XIRP2: variants seen among roughly 807,000 people sequenced by gnomAD.
The protein encoded by XIRP2 is xin actin binding repeat containing 2, also known as xin actin-binding repeat-containing protein 2.
A neutral mutation model predicts 277.0 loss-of-function variants in XIRP2; 236 were observed. The observed-to-expected ratio is 0.85, with a 90% CI of 0.77 to 0.95. XIRP2 has a LOEUF of 0.95. Ranked by LOEUF, XIRP2 falls within the 40% of genes least tolerant of loss-of-function variation. The pLI, the probability that XIRP2 is intolerant of heterozygous loss-of-function variation, is 0.00. For missense variants in XIRP2, 4,640 were observed against 4,157.5 expected (o/e 1.12, Z -3.19); for synonymous variants, 1,490 against 1,416.5 (o/e 1.05, Z -1.17).
At chr2:167,030,263 A>G (rs1343172648) in intron 2 of XIRP2, among the ~76,000 whole-genome samples, 1 of 151,848 alleles carries the variant, frequency 6.6e-6, no homozygotes, top group Non-Finnish European at 1.5e-5. Flanking sequence ...CAACTTTTGA[A>G]TTTGTTTGCT....
chr2:167,224,932 C>G lies in XIRP2; in HGVS notation c.858+6632C>G, dbSNP rs919342525. 8.5e-5 allele frequency among the ~76,000 whole-genome samples: 13 copies of G among 152,246 alleles called. 1 individual carries two copies. Among genetic ancestry groups the G allele is most frequent in the African/African-American group, 2.9e-4 (12 of 41,550 alleles). On this transcript the variant is annotated intron_variant, in intron 5 of 10. Coordinates refer to ENST00000409195, the MANE Select transcript of XIRP2 (RefSeq NM_152381.6). ...AAAGATTAGCTTGAAATGAGCATAC[C>G]TGTACGTGTTTTGAGCATATGTCAT...
At chr2:167,155,608 G>C (rs1049516552) in intron 3 of XIRP2, among the ~76,000 whole-genome samples, 5 of 151,918 alleles carry the variant, frequency 3.3e-5, no homozygotes, top group Non-Finnish European at 7.4e-5. Flanking sequence ...AAAATAATAA[G>C]AGCTATCTAT....
At chr2:166,909,948 C>T (rs1033820259) in intron 2 of XIRP2, among the ~76,000 whole-genome samples, 4 of 152,240 alleles carry the variant, frequency 2.6e-5, no homozygotes, top group African/African-American at 9.6e-5. Flanking sequence ...AGCCTTGCAT[C>T]CCAGGGATGA....
intron 2 of XIRP2, among the ~76,000 whole-genome samples, chr2:167,045,656 G>C (rs1456344165): frequency 2.0e-5 from 3 of 152,040 alleles, no homozygotes; most frequent in Non-Finnish European, 4.4e-5. Context: ...TTAATCATTA[G>C]AGAAATGCAA....
At position 167,250,054 on chromosome 2, in the gene XIRP2, C is replaced by T; in HGVS notation, c.8662C>T (p.Gln2888Ter). ...TAAAGCTGAACATAAAAAATTGCCCCAGCCATATAATAGTCTGCAGGAAGA... is the reference window on the plus strand; with the variant it reads ...TAAAGCTGAACATAAAAAATTGCCCTAGCCATATAATAGTCTGCAGGAAGA... Reference protein sequence around the residue: ...ESKAEHKKLPQPYNSLQEEKC... With the variant: ...ESKAEHKKLP Residue 2888 changes from glutamine to a stop codon, truncating the protein, a stop_gained, in exon 9 of 11, where the codon CAG becomes TAG. Transcript: ENST00000409195. LOFTEE classifies it high-confidence loss of function. The T allele has an allele frequency of 6.2e-7, 1 of 1,613,542 alleles. No individual in the cohort carries two copies. Among genetic ancestry groups the T allele is most frequent in the Non-Finnish European group, 8.5e-7 (1 of 1,179,678 alleles).
intron 2 of XIRP2, among the ~76,000 whole-genome samples, chr2:167,066,097 G>C (rs903742357): frequency 6.6e-6 from 1 of 151,334 alleles, no homozygotes; most frequent in Non-Finnish European, 1.5e-5. Flanking sequence ...TCTTAACATG[G>C]GATTTACCCT....
rs148889793 is a variant in XIRP2, at chr2:166,900,308, A to C, written c.-18-3157A>C. Among the ~76,000 whole-genome samples, 281 of 152,044 alleles carry C rather than the reference A, an allele frequency of 1.8e-3. 2 individuals are homozygous for C. The highest frequency in any genetic ancestry group is 6.4e-3 in the African/African-American group (267 of 41,512). On this transcript the variant is annotated intron_variant, in intron 1 of 10. Transcript: ENST00000409195. ...TTTAAATGTTCGTTATTTCTACCTC[A>C]ATTCTAGAATTTTAATTCGTTTCTT...
intron 4 of XIRP2, among the ~76,000 whole-genome samples, chr2:167,215,871 G>A (rs1427608269): frequency 6.6e-6 from 1 of 152,102 alleles, no homozygotes; most frequent in Non-Finnish European, 1.5e-5. Context: ...TTCCCGAAGG[G>A]GCATAGGTCT....
rs1279562385 is a variant in XIRP2, at chr2:167,007,697, T to TCACACA, written c.408+103808_408+103809insACACAC. Among the ~76,000 whole-genome samples, 18 of 120,918 alleles carry TCACACA rather than the reference T, an allele frequency of 1.5e-4. No individual in the cohort carries two copies. The East Asian group carries it at 2.3e-3, about 16-fold the overall frequency. The allele number at this position is 120,918 out of a possible 152,430, so 79.3% of individuals were successfully genotyped here. ...CATGTACACTCTCTCTCTCTCTCTCTCTCTCTCACACACACACACACACAC... is the reference window on the plus strand; with the variant it reads ...CATGTACACTCTCTCTCTCTCTCTCTCACACACTCTCTCACACACACACACACACAC... On this transcript the variant is annotated intron_variant, in intron 2 of 10. Transcript: ENST00000409195.
intron 6 of XIRP2, 60 bp downstream of exon 6, chr2:167,240,025 C>CT: frequency 7.0e-7 from 1 of 1,427,308 alleles, no homozygotes; most frequent in Non-Finnish European, 9.4e-7. Flanking sequence ...GAAATTATGA[C>CT]TTTGTTGTAA....
At chr2:167,085,505 T>C (rs1003377019) in intron 2 of XIRP2, among the ~76,000 whole-genome samples, 2 of 151,996 alleles carry the variant, frequency 1.3e-5, no homozygotes, top group African/African-American at 4.8e-5. Context: ...CCTTGTTGAC[T>C]TTCTGTCTCG....
At chr2:166,929,559 C>T (rs572049139) in intron 2 of XIRP2, among the ~76,000 whole-genome samples, 6 of 152,114 alleles carry the variant, frequency 3.9e-5, no homozygotes, top group Non-Finnish European at 7.4e-5. Flanking sequence ...TAGTAGTTAT[C>T]GGACTATAGT....
chr2:167,070,260 T>C (rs577239335), intron 2 of XIRP2, among the ~76,000 whole-genome samples: 1 of 152,230 alleles, frequency 6.6e-6, no homozygotes, highest in East Asian at 1.9e-4. Flanking sequence ...GCTTAACATA[T>C]ACCAAGAAGC....
intron 2 of XIRP2, among the ~76,000 whole-genome samples, chr2:167,005,476 G>A (rs1160361929): frequency 6.6e-6 from 1 of 151,788 alleles, no homozygotes; most frequent in Non-Finnish European, 1.5e-5. Flanking sequence ...GTGAGTCAGT[G>A]GGTGCTGAAA....
intron 3 of XIRP2, among the ~76,000 whole-genome samples, chr2:167,155,238 T>A (rs1299563725): frequency 1.3e-5 from 2 of 151,834 alleles, no homozygotes; most frequent in Non-Finnish European, 2.9e-5. Context: ...CCTCCCTAAC[T>A]CATTTTATGA....
intron 2 of XIRP2, among the ~76,000 whole-genome samples, chr2:166,929,700 T>C (rs1011264114): frequency 2.6e-5 from 4 of 152,192 alleles, no homozygotes; most frequent in African/African-American, 9.6e-5. Context: ...AACTCTGTTT[T>C]GTTCTTTAAT....
chr2:167,064,861 C>G (rs772219313), intron 2 of XIRP2, among the ~76,000 whole-genome samples: 4 of 151,844 alleles, frequency 2.6e-5, no homozygotes, highest in Non-Finnish European at 5.9e-5. Context: ...GAATAATCTT[C>G]CACTATAGGT....
At chr2:167,054,198 G>T (rs942939306) in intron 2 of XIRP2, among the ~76,000 whole-genome samples, 95 of 152,126 alleles carry the variant, frequency 6.2e-4, no homozygotes, top group African/African-American at 2.2e-3. Context: ...AATGGAAAAT[G>T]CACATTGAAC....
At chr2:167,255,662 A>G (rs1695635629) in intron 10 of XIRP2, among the ~76,000 whole-genome samples, 2 of 151,922 alleles carry the variant, frequency 1.3e-5, no homozygotes, top group Admixed American at 1.3e-4. Flanking sequence ...TAGCCACTAC[A>G]TACCGTGTTA....
Sources: allele counts gnomAD v4.1 joint callset (sites outside exome capture counted in the v4.1 genomes callset), GRCh38; gene constraint gnomAD v4.1.1; transcripts MANE v1.5; gene names NCBI Gene and HGNC (gene_info 2026-07-23, HGNC 2026-07-21).